TBC1D22A: variants seen among roughly 807,000 people sequenced by gnomAD.
TBC1D22A encodes the protein putative GTPase activator.
A neutral mutation model predicts 60.2 loss-of-function variants in TBC1D22A; 38 were observed. The ratio of observed to expected loss-of-function variants is 0.63; its 90% CI spans 0.49 to 0.83. The LOEUF (loss-of-function observed/expected upper bound fraction) is 0.83, where lower values mean the gene tolerates loss of function less well. Ranked by LOEUF, TBC1D22A falls within the 40% of genes least tolerant of loss-of-function variation. The pLI, the probability that TBC1D22A is intolerant of heterozygous loss-of-function variation, is 0.00. For missense variants in TBC1D22A, 628 were observed against 701.0 expected (o/e 0.90, Z 1.18); for synonymous variants, 302 against 281.7 (o/e 1.07, Z -0.72).
intron 8 of TBC1D22A, among the ~76,000 whole-genome samples, chr22:46,921,215 G>C (rs975696246): frequency 6.6e-6 from 1 of 152,180 alleles, no homozygotes; most frequent in African/African-American, 2.4e-5. Flanking sequence ...CCGAGAGGTA[G>C]TTTCTCGATT....
At chr22:46,812,742 C>G (rs1385962706) in intron 4 of TBC1D22A, among the ~76,000 whole-genome samples, 1 of 152,160 alleles carries the variant, frequency 6.6e-6, no homozygotes, top group Non-Finnish European at 1.5e-5. Context: ...CTTTACTGAC[C>G]CTTGTTTTAT....
intron 12 of TBC1D22A, among the ~76,000 whole-genome samples, chr22:47,124,877 G>T (rs758134157): frequency 6.6e-6 from 1 of 152,132 alleles, no homozygotes; most frequent in Non-Finnish European, 1.5e-5. Context: ...GAGGACAGGC[G>T]GGCAGAGGCC....
chr22:47,163,365 A>G (rs2068072937), intron 12 of TBC1D22A, among the ~76,000 whole-genome samples: 1 of 152,256 alleles, frequency 6.6e-6, no homozygotes, highest in Non-Finnish European at 1.5e-5. Flanking sequence ...ATTCCTGCTC[A>G]CAATAGTCTC....
chr22:47,012,338 C>T (rs1416583949), intron 10 of TBC1D22A, among the ~76,000 whole-genome samples: 3 of 152,188 alleles, frequency 2.0e-5, no homozygotes, highest in Non-Finnish European at 4.4e-5. Context: ...CCTCCTGCCC[C>T]TGAGCCATTA....
At chr22:47,000,818 A>C (rs895514576) in intron 10 of TBC1D22A, among the ~76,000 whole-genome samples, 11 of 145,676 alleles carry the variant, frequency 7.6e-5, no homozygotes, top group Admixed American at 6.1e-4. Context: ...TTTTTAAATT[A>C]AGCCAACAAA....
intron 5 of TBC1D22A, among the ~76,000 whole-genome samples, chr22:46,885,578 A>G (rs2147549888): frequency 6.6e-6 from 1 of 152,300 alleles, no homozygotes; most frequent in Admixed American, 6.5e-5. Context: ...AAATAACAAC[A>G]AGGTGCAGAC....
rs562258679 is a variant in TBC1D22A at position 47,009,431 on chromosome 22, T to A, written c.1201+11722T>A. Among the ~76,000 whole-genome samples the A allele has an allele frequency of 2.6e-5, 4 of 151,210 alleles. No individual in the cohort carries two copies. In the East Asian group the frequency reaches 7.8e-4, roughly 30 times the overall value. ...CACCATCATTGTGTCATCACCACCA[T>A]CATCATCACCATCACCATCATTTCT... On this transcript the variant is annotated intron_variant, in intron 10 of 12. Transcript: ENST00000337137. The surrounding 1 kb of genome is among the most constrained non-coding windows in gnomAD (Gnocchi z 5.8).
chr22:47,152,761 TGA>T (rs1388482365), intron 12 of TBC1D22A, among the ~76,000 whole-genome samples: 1 of 152,184 alleles, frequency 6.6e-6, no homozygotes. Context: ...ACGGGGCCTC[TGA>T]GAGAGAAAGC....
At chr22:47,090,103 G>A (rs1202797722) in intron 11 of TBC1D22A, among the ~76,000 whole-genome samples, 1 of 152,152 alleles carries the variant, frequency 6.6e-6, no homozygotes, top group Non-Finnish European at 1.5e-5. Context: ...GGGGTGGGGG[G>A]GCGGTCCTCA....
At chr22:47,032,306 G>T (rs1026233837) in intron 10 of TBC1D22A, among the ~76,000 whole-genome samples, 5 of 152,246 alleles carry the variant, frequency 3.3e-5, no homozygotes, top group African/African-American at 1.2e-4. Flanking sequence ...GCCATGGCCT[G>T]CCTTGGTGCT....
intron 11 of TBC1D22A, among the ~76,000 whole-genome samples, chr22:47,094,351 G>A (rs904415152): frequency 2.0e-5 from 3 of 152,220 alleles, no homozygotes; most frequent in Admixed American, 1.3e-4. Flanking sequence ...TTTGCATAAA[G>A]CGAAGGGTGA....
At chr22:47,110,945 G>A (rs2065822594) in intron 11 of TBC1D22A, among the ~76,000 whole-genome samples, 1 of 152,244 alleles carries the variant, frequency 6.6e-6, no homozygotes. Context: ...ATGACAGTGA[G>A]GAGAGACATG....
intron 8 of TBC1D22A, among the ~76,000 whole-genome samples, chr22:46,936,966 T>C (rs1186698666): frequency 6.6e-6 from 1 of 152,168 alleles, no homozygotes; most frequent in African/African-American, 2.4e-5. Context: ...ATTAATGTTT[T>C]CAGCTGACAG....
At chr22:47,045,980 G>A (rs907340415) in intron 11 of TBC1D22A, among the ~76,000 whole-genome samples, 1 of 152,214 alleles carries the variant, frequency 6.6e-6, no homozygotes, top group African/African-American at 2.4e-5. Flanking sequence ...GTCTTAGTGG[G>A]GATGGCCCTG....
chr22:46,958,108 T>C (rs2073305290), intron 8 of TBC1D22A, among the ~76,000 whole-genome samples: 1 of 152,160 alleles, frequency 6.6e-6, no homozygotes, highest in South Asian at 2.1e-4. Context: ...AGTTACAGTG[T>C]TGAGTGTGGC....
At chr22:46,991,917 C>T (rs1213142308) in intron 9 of TBC1D22A, among the ~76,000 whole-genome samples, 2 of 152,224 alleles carry the variant, frequency 1.3e-5, no homozygotes, top group Admixed American at 1.3e-4. Flanking sequence ...CCCTCTCTCT[C>T]ATCTCTGCTC....
intron 8 of TBC1D22A, among the ~76,000 whole-genome samples, chr22:46,945,702 T>C (rs1569255890): frequency 6.6e-6 from 1 of 152,152 alleles, no homozygotes; most frequent in Non-Finnish European, 1.5e-5. Context: ...AGGAGCAGGG[T>C]TCCCCCCTGG....
intron 11 of TBC1D22A, among the ~76,000 whole-genome samples, chr22:47,083,229 T>C (rs1305843197): frequency 1.1e-4 from 1 of 8,840 alleles, no homozygotes; most frequent in African/African-American, 5.1e-4. Flanking sequence ...TGGATTCCAC[T>C]GGTATATTCA....
chr22:46,782,834 A>T (rs997896159), intron 1 of TBC1D22A, among the ~76,000 whole-genome samples: 2 of 151,964 alleles, frequency 1.3e-5, no homozygotes, highest in African/African-American at 4.8e-5. Context: ...ATATTACTCC[A>T]TTGTGTGGTT....
Sources: gnomAD v4.1 joint callset for allele counts (sites outside exome capture counted in the v4.1 genomes callset) on GRCh38, gnomAD v4.1.1 for gene constraint, Gnocchi (gnomAD v3.1) non-coding constraint, MANE v1.5 for transcripts, NCBI Gene and HGNC (gene_info 2026-07-23, HGNC 2026-07-21) for gene names.